Variants in WSCD2 observed in about 807,000 individuals in gnomAD.
The protein encoded by WSCD2 is sialate:O-sulfotransferase 2.
Under a neutral mutation model 55.7 loss-of-function variants are expected in WSCD2, and 28 were observed. The ratio of observed to expected loss-of-function variants is 0.50; its 90% CI spans 0.37 to 0.69. The LOEUF is 0.69. WSCD2 is among the 30% of genes least tolerant of loss of function. The probability of loss-of-function intolerance (pLI) is 0.00; values close to 1 mark genes in which losing one functional copy is unlikely to be tolerated. For synonymous variants in WSCD2, 301 were observed against 301.9 expected, an observed-to-expected ratio of 1.00 and a Z score of 0.03; for missense variants, 616 against 762.1, an observed-to-expected ratio of 0.81 and a Z score of 2.26.
At chr12:108,142,484 G>A (rs1876926597) in intron 1 of WSCD2, among the ~76,000 whole-genome samples, 1 of 152,166 alleles carries the variant, frequency 6.6e-6, no homozygotes, top group Non-Finnish European at 1.5e-5. Context: ...TCTCGCTCAA[G>A]TACAAGTGCT....
intron 4 of WSCD2, among the ~76,000 whole-genome samples, chr12:108,217,620 A>G (rs1886998714): frequency 6.6e-6 from 1 of 152,156 alleles, no homozygotes; most frequent in Non-Finnish European, 1.5e-5. Flanking sequence ...GGACATCAGG[A>G]AGCCCTCTGT....
At chr12:108,245,645 T>G (rs897225676) in intron 8 of WSCD2, among the ~76,000 whole-genome samples, 18 of 152,208 alleles carry the variant, frequency 1.2e-4, no homozygotes, top group Non-Finnish European at 1.0e-4. Context: ...ACCGTCTCTA[T>G]CACCTGGGCA....
intron 6 of WSCD2, among the ~76,000 whole-genome samples, chr12:108,230,336 A>G (rs1213006448): frequency 1.3e-5 from 2 of 152,212 alleles, no homozygotes; most frequent in African/African-American, 4.8e-5. Context: ...TGATCATCTC[A>G]GAACAAAAAT....
rs1879078668 is a variant in WSCD2 at position 108,161,683 on chromosome 12, C to T, written c.-552+31757C>T. Among the ~76,000 whole-genome samples the T allele has an allele frequency of 2.0e-5, 3 of 152,292 alleles. No homozygotes were observed. In the South Asian group the frequency reaches 6.2e-4, roughly 32 times the overall value. On this transcript the variant is annotated intron_variant, in intron 1 of 8. Coordinates refer to ENST00000547525, the MANE Select transcript of WSCD2 (RefSeq NM_014653.4). ...TGGTTTGTGGTACTCTGTTGGCAGC[C>T]CGGCTTAGCACAGAGCCCGGCACAA...
chr12:108,189,251 A>T (rs1014930285), intron 1 of WSCD2: 1 of 152,192 alleles, frequency 6.6e-6, no homozygotes, highest in African/African-American at 2.4e-5. Context: ...GGGAAGTGAG[A>T]CAGGGAAGGG....
intron 3 of WSCD2, among the ~76,000 whole-genome samples, chr12:108,207,054 A>G (rs1292716066): frequency 2.6e-5 from 4 of 152,136 alleles, no homozygotes; most frequent in Non-Finnish European, 4.4e-5. Context: ...CTAAGAAGAC[A>G]ACGATGATTT....
At chr12:108,183,407 G>T (rs1165834566) in intron 1 of WSCD2, among the ~76,000 whole-genome samples, 1 of 152,120 alleles carries the variant, frequency 6.6e-6, no homozygotes, top group African/African-American at 2.4e-5. Flanking sequence ...GGGGTGAGGG[G>T]GATGACAGCC....
intron 7 of WSCD2, 69 bp downstream of exon 7, chr12:108,232,964 A>T: frequency 6.4e-7 from 1 of 1,569,750 alleles, no homozygotes; most frequent in East Asian, 2.3e-5. Flanking sequence ...CTTGGAGGGT[A>T]TGGGAATACT....
chr12:108,248,651 G>T lies in WSCD2; in HGVS notation c.*308G>T. The T allele has an allele frequency of 9.0e-7, 1 of 1,107,092 alleles. No individual in the cohort carries two copies. Among genetic ancestry groups the T allele is most frequent in the Non-Finnish European group, 1.1e-6 (1 of 904,304 alleles). 68.6% of individuals were successfully genotyped at this position (1,107,092 alleles called of 1,614,324 possible). The stretch of plus-strand genomic sequence containing the variant: ...GCCCCCACCACTCTGGGTTCCATTT[G>T]TGGGAGGGAGGGCTCATCCACATCA... On this transcript the variant is annotated 3_prime_UTR_variant, in exon 9 of 9. Transcript: ENST00000547525. This position sits in a 1 kb window ranked among gnomAD's most constrained non-coding sequence, Gnocchi z 4.3.
At chr12:108,213,223 T>A (rs902666815) in intron 4 of WSCD2, among the ~76,000 whole-genome samples, 2 of 152,098 alleles carry the variant, frequency 1.3e-5, no homozygotes, top group Admixed American at 1.3e-4. Flanking sequence ...ATGAAATTGG[T>A]TCAACCATGA....
chr12:108,202,941 C>T (rs750323114), intron 2 of WSCD2, among the ~76,000 whole-genome samples: 2 of 152,172 alleles, frequency 1.3e-5, no homozygotes, highest in Non-Finnish European at 2.9e-5. Flanking sequence ...AACGAACCAC[C>T]CCACTTCCCA....
In WSCD2 at chr12:108,129,448, G is replaced by C. The variant is rs967442725; in HGVS notation, c.-1030G>C. The C allele has an allele frequency of 6.6e-6, 1 of 151,532 alleles. No homozygotes were observed. The highest frequency in any genetic ancestry group is 2.4e-5 in the African/African-American group (1 of 41,346). The allele number at this position is 151,532 out of a possible 1,614,324, so 9.4% of individuals were successfully genotyped here. ...CGCCGAGCCGCAGCCGGTGCCCTGC[G>C]CGCACCGGGCCCGGGCATCTCCATC... On this transcript the variant is annotated 5_prime_UTR_variant, in exon 1 of 9. Transcript: ENST00000547525.
At chr12:108,173,800 T>C (rs1880492618) in intron 1 of WSCD2, among the ~76,000 whole-genome samples, 1 of 111,214 alleles carries the variant, frequency 9.0e-6, no homozygotes, top group African/African-American at 3.6e-5. Context: ...CAGAGCTGAT[T>C]CCTGGCTCTC....
At chr12:108,193,937 C>T (rs1883547845) in intron 1 of WSCD2, among the ~76,000 whole-genome samples, 3 of 152,214 alleles carry the variant, frequency 2.0e-5, no homozygotes, top group Admixed American at 1.3e-4. Context: ...TAAATGCCCA[C>T]ACTACTGTCT....
At position 108,137,086 on chromosome 12, in the gene WSCD2, C is replaced by T. The variant is rs529068214; in HGVS notation, c.-552+7160C>T. ...AGACAGTGGATCACCCACATTTCTT[C>T]CCCACTTGGCTAAGATGGCCCTGAT... On this transcript the variant is annotated intron_variant, in intron 1 of 8. Transcript: ENST00000547525. Among the ~76,000 whole-genome samples, 19 of 152,324 alleles carry T rather than the reference C, an allele frequency of 1.2e-4. No homozygotes were observed. In the South Asian group the frequency reaches 2.9e-3, roughly 23 times the overall value.
chr12:108,151,188 C>A (rs995881609), intron 1 of WSCD2, among the ~76,000 whole-genome samples: 1 of 152,156 alleles, frequency 6.6e-6, no homozygotes, highest in South Asian at 2.1e-4. Context: ...TCATCCTCAA[C>A]CCTGTTGACA....
chr12:108,141,636 T>C (rs967639419), intron 1 of WSCD2, among the ~76,000 whole-genome samples: 6 of 152,222 alleles, frequency 3.9e-5, no homozygotes, highest in African/African-American at 1.2e-4. Context: ...GGTAATGACA[T>C]TGGGCCTATT....
chr12:108,149,509 T>A (rs1441447822), intron 1 of WSCD2, among the ~76,000 whole-genome samples: 1 of 152,204 alleles, frequency 6.6e-6, no homozygotes, highest in Non-Finnish European at 1.5e-5. Context: ...CCCCCATTCC[T>A]GTGATGAAAG....
intron 1 of WSCD2, among the ~76,000 whole-genome samples, chr12:108,138,416 G>A (rs150967855): frequency 5.1e-4 from 78 of 152,290 alleles, no homozygotes; most frequent in African/African-American, 1.7e-3. Context: ...GTTCACTTCC[G>A]ATCCCAGCTC....
Sources: gnomAD v4.1 joint callset for allele counts (sites outside exome capture counted in the v4.1 genomes callset) on GRCh38, gnomAD v4.1.1 for gene constraint, Gnocchi (gnomAD v3.1) non-coding constraint, MANE v1.5 for transcripts, NCBI Gene and HGNC (gene_info 2026-07-23, HGNC 2026-07-21) for gene names.